The following DHX9 variants were observed in gnomAD, a reference collection of about 807,000 sequenced individuals.
The protein encoded by DHX9 is ATP-dependent RNA helicase A.
Under a neutral mutation model 148.7 loss-of-function variants are expected in DHX9, and 27 were observed. That is an observed-to-expected ratio of 0.18 (90% CI 0.13 to 0.25). The LOEUF (loss-of-function observed/expected upper bound fraction) is 0.25, where lower values mean the gene tolerates loss of function less well. Ranked by LOEUF, DHX9 falls within the 10% of genes least tolerant of loss-of-function variation. The pLI, the probability that DHX9 is intolerant of heterozygous loss-of-function variation, is 1.00. For synonymous variants in DHX9, 529 were observed against 516.6 expected (o/e 1.02, Z -0.33); for missense variants, 796 against 1,559.6 (o/e 0.51, Z 8.25).
intron 16 of DHX9, 21 bp downstream of exon 16, chr1:182,874,975 A>G: frequency 6.3e-7 from 1 of 1,579,066 alleles, no homozygotes; most frequent in South Asian, 1.1e-5. Context: ...TTCATGAAGA[A>G]TTTCCATTAT....
intron 14 of DHX9, among the ~76,000 whole-genome samples, chr1:182,867,758 A>G (rs574381217): frequency 3.8e-4 from 58 of 152,324 alleles, no homozygotes; most frequent in Non-Finnish European, 5.7e-4. Context: ...ATCTTTTCAG[A>G]TGTTAATGAG....
Position 182,860,025 on chromosome 1 carries a change from G to A in DHX9, c.1173G>A (p.Lys391=). ...ILQERELLPV[K]KFESEILEAI... is the part of the protein sequence containing the mutation. ...AGGAGAGAGAGTTACTGCCTGTGAA[G>A]AAATTTGAAAGTGAGATTCTGGAAG... The change falls in exon 12 of 28, where the codon AAG becomes AAA. Residue 391 remains lysine, a synonymous_variant. Coordinates refer to ENST00000367549, the MANE Select transcript of DHX9 (RefSeq NM_001357.5). 5 of 1,613,574 alleles carry A rather than the reference G, an allele frequency of 3.1e-6. No individual in the cohort carries two copies. Among genetic ancestry groups the A allele is most frequent in the South Asian group, 1.1e-5 (1 of 90,976 alleles).
intron 7 of DHX9, among the ~76,000 whole-genome samples, chr1:182,857,352 A>G (rs1304780821): frequency 6.6e-6 from 1 of 152,160 alleles, no homozygotes; most frequent in East Asian, 1.9e-4. Flanking sequence ...GAGGAGAGGA[A>G]ACTTTCTGTT....
At chr1:182,880,464 T>C in intron 21 of DHX9, 33 bp from the exon 22 acceptor site, 2 of 1,424,280 alleles carry the variant, frequency 1.4e-6, no homozygotes, top group Non-Finnish European at 2.0e-6. Flanking sequence ...AGTGTTCATT[T>C]GTTTCTGCTC....
At chr1:182,863,993 C>T (rs949175448) in intron 12 of DHX9, among the ~76,000 whole-genome samples, 4 of 152,078 alleles carry the variant, frequency 2.6e-5, no homozygotes, top group Non-Finnish European at 5.9e-5. Flanking sequence ...GGCAACATGG[C>T]GAAACTCCAT....
At position 182,884,781 on chromosome 1, in the gene DHX9, T is replaced by C. The variant is rs1291510496; in HGVS notation, c.3429T>C (p.Ala1143=). The C allele has an allele frequency of 6.2e-7, 1 of 1,614,176 alleles. No individual in the cohort carries two copies. Among genetic ancestry groups the C allele is most frequent in the Admixed American group, 1.7e-5 (1 of 60,016 alleles). Residue 1143 remains alanine (A), a synonymous_variant, in exon 27 of 28, where the codon GCT becomes GCC. Transcript: ENST00000367549. Reference sequence around the variant, plus strand: ...TCCGTCAGATCTCTAGACCCTCAGCTGCTGGTATCAACCTTATGATTGGCA... The same window carrying C: ...TCCGTCAGATCTCTAGACCCTCAGCCGCTGGTATCAACCTTATGATTGGCA... The part of the protein sequence containing the change: ...NMIRQISRPS[A]AGINLMIGST...
At chr1:182,863,019 G>T (rs1460044181) in intron 12 of DHX9, among the ~76,000 whole-genome samples, 1 of 152,158 alleles carries the variant, frequency 6.6e-6, no homozygotes, top group Non-Finnish European at 1.5e-5. Flanking sequence ...ATTCTAAAGA[G>T]AAAATGAGAT....
chr1:182,868,979 A>G lies in DHX9; in HGVS notation c.1557+1936A>G, dbSNP rs115973673. ...GAAACTTTATAGGTTTTTCCTAATT[A>G]ACTTAATTGACAAATGTTTTGATAT... is the stretch of plus-strand genomic sequence containing the variant. On this transcript the variant is annotated intron_variant, in intron 14 of 27. Coordinates refer to ENST00000367549, the MANE Select transcript of DHX9 (RefSeq NM_001357.5). 4.4e-3 allele frequency among the ~76,000 whole-genome samples: 677 copies of G among 152,310 alleles called. 3 individuals carry two copies. The highest frequency in any genetic ancestry group is 0.015 in the African/African-American group (607 of 41,566).
intron 3 of DHX9, among the ~76,000 whole-genome samples, chr1:182,851,865 A>G (rs1173284884): frequency 2.6e-5 from 4 of 152,260 alleles, no homozygotes; most frequent in African/African-American, 9.6e-5. Flanking sequence ...AATACTTAAG[A>G]AATGGAGTAG....
intron 3 of DHX9, among the ~76,000 whole-genome samples, chr1:182,848,486 C>T (rs549637390): frequency 8.5e-5 from 13 of 152,262 alleles, no homozygotes; most frequent in African/African-American, 2.6e-4. Flanking sequence ...AATGTAAGTT[C>T]GTGAGGGCAG....
intron 12 of DHX9, among the ~76,000 whole-genome samples, chr1:182,861,596 A>G (rs1668364998): frequency 6.6e-6 from 1 of 152,202 alleles, no homozygotes; most frequent in African/African-American, 2.4e-5. Context: ...GCAGAATTTA[A>G]CAAGCGAGCT....
rs765709189 is a variant in DHX9 at position 182,852,280 on chromosome 1, T to C, written c.300T>C (p.Asn100=). 6.2e-7 allele frequency: 1 copy of C among 1,613,170 alleles called. No homozygotes were observed. The highest frequency in any genetic ancestry group is 8.5e-7 in the Non-Finnish European group (1 of 1,179,720). Reference sequence around the variant, plus strand: ...CTGATACTCCTGACACTACAGCAAATGCTGAAGGAGATTTACCAACAACCA... The same window carrying C: ...CTGATACTCCTGACACTACAGCAAACGCTGAAGGAGATTTACCAACAACCA... ...PLTDTPDTTA[N]AEGDLPTTMG... Residue 100 remains asparagine, a synonymous_variant, in exon 4 of 28, where the codon AAT becomes AAC. Coordinates refer to ENST00000367549, the MANE Select transcript of DHX9 (RefSeq NM_001357.5).
chr1:182,876,149 G>T lies in DHX9; in HGVS notation c.1915G>T (p.Ala639Ser). The T allele has an allele frequency of 1.2e-6, 2 of 1,613,976 alleles. No homozygotes were observed. Among genetic ancestry groups the T allele is most frequent in the South Asian group, 1.1e-5 (1 of 91,076 alleles). Residue 639 changes from alanine to serine, a missense_variant, in exon 17 of 28, where the codon GCT becomes TCT. By Grantham distance (99) the Ala-to-Ser change is moderately conservative. This residue lies in a region of DHX9 where 133 missense variants were observed against 223.8 expected (regional missense o/e 0.59). Transcript: ENST00000367549. ...GGAAACTCCTTTTGAACTCATCGAG[G>T]CTCTACTTAAGTACATTGAAACCCT... ...EKETPFELIE[A>S]LLKYIETLNV...
chr1:182,859,936 C>T, intron 11 of DHX9, 57 bp from the exon 12 acceptor site: 1 of 1,531,376 alleles, frequency 6.5e-7, no homozygotes, highest in African/African-American at 1.4e-5. Flanking sequence ...AGGATCAAGA[C>T]AGTTGCTTCT....
chr1:182,866,371 A>G (rs1020367376), intron 12 of DHX9, 73 bp from the exon 13 acceptor site: 6 of 1,514,412 alleles, frequency 4.0e-6, no homozygotes, highest in Middle Eastern at 1.9e-4. Flanking sequence ...TACTACAATA[A>G]TCCAAAAATG....
rs1649039884 is a variant in DHX9, at chr1:182,880,588, G to A, written c.2604G>A (p.Met868Ile). 6.2e-7 allele frequency: 1 copy of A among 1,612,204 alleles called. No homozygotes were observed. The highest frequency in any genetic ancestry group is 8.5e-7 in the Non-Finnish European group (1 of 1,178,408). Reference protein sequence around the residue: ...LPIEPRFGKMMIMGCIFYVGD... With the variant: ...LPIEPRFGKMIIMGCIFYVGD... ...TTGAGCCTCGTTTTGGCAAAATGAT[G>A]ATAATGGGGTGTATTTTCTAGTAAG... Residue 868 changes from methionine (M) to isoleucine (I), a missense_variant, in exon 22 of 28, where the codon ATG becomes ATA. By Grantham distance (10) the Met-to-Ile change is conservative (BLOSUM62 1). This residue lies in a region of DHX9 where 122 missense variants were observed against 289.3 expected (regional missense o/e 0.42). Coordinates refer to ENST00000367549, the MANE Select transcript of DHX9 (RefSeq NM_001357.5).
chr1:182,883,708 T>G, intron 26 of DHX9, 73 bp downstream of exon 26: 2 of 1,042,382 alleles, frequency 1.9e-6, no homozygotes, highest in Non-Finnish European at 3.0e-6. Flanking sequence ...GCTGCTAATC[T>G]AACTTAATTA....
At chr1:182,872,645 CTT>C in intron 15 of DHX9, 152 bp downstream of exon 15, 1 of 892,936 alleles carries the variant, frequency 1.1e-6, no homozygotes, top group Admixed American at 2.9e-5. Flanking sequence ...AGGAGTTTCT[CTT>C]CTGTTATTTT....
Position 182,857,916 on chromosome 1 carries a change from T to C in DHX9, c.674-188T>C, listed in dbSNP as rs143564694. ...CCAGTAATCAAAACTGTTGGTTATT[T>C]AGTTGATAAGCTGTTTGGCAATTTC... On this transcript the variant is annotated intron_variant, in intron 7 of 27. Coordinates refer to ENST00000367549, the MANE Select transcript of DHX9 (RefSeq NM_001357.5). Among the ~76,000 whole-genome samples the C allele has an allele frequency of 7.0e-4, 107 of 152,360 alleles. 1 individual carries two copies. Among genetic ancestry groups the C allele is most frequent in the African/African-American group, 2.4e-3 (99 of 41,576 alleles).
Sources: allele counts gnomAD v4.1 joint callset (sites outside exome capture counted in the v4.1 genomes callset), GRCh38; gene constraint gnomAD v4.1.1; regional missense constraint gnomAD v4.1.1; transcripts MANE v1.5; gene names NCBI Gene and HGNC (gene_info 2026-07-23, HGNC 2026-07-21).